The following NBEA variants were observed in gnomAD, a reference collection of about 807,000 sequenced individuals.
NBEA encodes the protein lysosomal-trafficking regulator 2.
In NBEA, 44 loss-of-function variants were observed where a neutral mutation model predicts 343.4. The ratio of observed to expected loss-of-function variants is 0.13; its 90% CI spans 0.10 to 0.16. The LOEUF is 0.16. NBEA is among the 10% of genes least tolerant of loss of function. The pLI, the probability that NBEA is intolerant of heterozygous loss-of-function variation, is 1.00. For synonymous variants in NBEA, 1,175 were observed against 1,238.7 expected, an observed-to-expected ratio of 0.95 and a Z score of 1.08; for missense variants, 2,555 against 3,631.3, an observed-to-expected ratio of 0.70 and a Z score of 7.62.
chr13:35,510,899 G>A (rs2077249861), intron 41 of NBEA, among the ~76,000 whole-genome samples: 1 of 152,092 alleles, frequency 6.6e-6, no homozygotes, highest in African/African-American at 2.4e-5. Flanking sequence ...CAGAATGCTT[G>A]CCACCACACA....
chr13:35,048,630 G>C lies in NBEA; in HGVS notation c.791G>C (p.Arg264Pro). ...QNGFTLNTWF[R>P]MDPLNNINVD... ...GGCTTCACCTTAAACACTTGGTTTC[G>C]TATGGATCCATTAAATAATATTAAT... is the stretch of plus-strand genomic sequence containing the variant. The change falls in exon 5 of 59, where the codon CGT becomes CCT. Residue 264 changes from arginine (R) to proline (P), a missense_variant. By Grantham distance (103) the Arg-to-Pro change is moderately radical. Transcript: ENST00000379939. 1 of 1,509,754 alleles carries C rather than the reference G, an allele frequency of 6.6e-7. No homozygotes were observed. The highest frequency in any genetic ancestry group is 9.2e-7 in the Non-Finnish European group (1 of 1,089,022). 93.5% of individuals were successfully genotyped at this position (1,509,754 alleles called of 1,614,324 possible).
At chr13:35,652,959 G>C (rs2084630141) in intron 53 of NBEA, among the ~76,000 whole-genome samples, 2 of 151,954 alleles carry the variant, frequency 1.3e-5, no homozygotes, top group East Asian at 3.9e-4. Flanking sequence ...CTCCCAAAGT[G>C]CTGGGATTAC....
chr13:34,951,163 T>C (rs1368429537), intron 1 of NBEA, among the ~76,000 whole-genome samples: 2 of 151,252 alleles, frequency 1.3e-5, no homozygotes, highest in Non-Finnish European at 2.9e-5. Context: ...AAAATACCTG[T>C]GGACAGGTAT....
intron 41 of NBEA, among the ~76,000 whole-genome samples, chr13:35,516,840 T>C (rs540014291): frequency 5.1e-4 from 78 of 152,326 alleles, no homozygotes; most frequent in African/African-American, 1.9e-3. Flanking sequence ...ATAGTTATAA[T>C]AGCTAAGTGA....
rs73491587 is a variant in NBEA at position 35,044,240 on chromosome 13, G to A, written c.527-707G>A. ...AGGGTTCTGAAGCTATACTGTCTGG[G>A]TTTGAATCCTGATTCTACCACTTGC... On this transcript the variant is annotated intron_variant, in intron 2 of 58. Transcript: ENST00000379939. Among the ~76,000 whole-genome samples, 341 of 152,194 alleles carry A rather than the reference G, an allele frequency of 2.2e-3. 1 individual carries two copies. The highest frequency in any genetic ancestry group is 7.8e-3 in the African/African-American group (325 of 41,540).
intron 1 of NBEA, among the ~76,000 whole-genome samples, chr13:34,953,268 G>A (rs1443078984): frequency 6.6e-6 from 1 of 152,156 alleles, no homozygotes; most frequent in African/African-American, 2.4e-5. Flanking sequence ...AAATGTCATA[G>A]AATTATTTCA....
intron 33 of NBEA, among the ~76,000 whole-genome samples, chr13:35,213,186 T>C (rs890455891): frequency 6.6e-6 from 1 of 152,012 alleles, no homozygotes; most frequent in East Asian, 1.9e-4. Flanking sequence ...GAGTAATAGG[T>C]ATACGAAGAT....
chr13:35,423,937 T>G (rs1280845600), intron 38 of NBEA, among the ~76,000 whole-genome samples: 4 of 152,212 alleles, frequency 2.6e-5, no homozygotes, highest in Non-Finnish European at 4.4e-5. Flanking sequence ...TCACTCATGA[T>G]TTGGCTCTCT....
intron 1 of NBEA, among the ~76,000 whole-genome samples, chr13:34,951,689 CTG>C (rs1036055937): frequency 9.9e-5 from 15 of 152,110 alleles, no homozygotes; most frequent in African/African-American, 3.6e-4. Context: ...GGGTGAGAAA[CTG>C]GGGATGGAAG....
At chr13:35,050,090 T>A (rs2063012048) in intron 5 of NBEA, among the ~76,000 whole-genome samples, 179 bp from the exon 6 acceptor site, 1 of 151,790 alleles carries the variant, frequency 6.6e-6, no homozygotes, top group Admixed American at 6.6e-5. Flanking sequence ...TAGTTTAAAT[T>A]TCTTATATTT....
chr13:34,970,722 C>G (rs529063411), intron 1 of NBEA, among the ~76,000 whole-genome samples: 1 of 151,996 alleles, frequency 6.6e-6, no homozygotes, highest in East Asian at 1.9e-4. Context: ...GTTCTTTTTT[C>G]TGTTGATCTG....
chr13:35,262,309 C>G (rs1004564808), intron 34 of NBEA, among the ~76,000 whole-genome samples: 1 of 152,088 alleles, frequency 6.6e-6, no homozygotes, highest in African/African-American at 2.4e-5. Context: ...ATTATATGAC[C>G]GAGTAATCCC....
At position 35,401,608 on chromosome 13, in the gene NBEA, T is replaced by A. The variant is rs2043005314; in HGVS notation, c.6180-30661T>A. On this transcript the variant is annotated intron_variant, in intron 38 of 58. Transcript: ENST00000379939. ...CCCTCTGTTGCTCTATCTTAAGACA[T>A]CTGTAAGAGAAAATCTTCTAGCTCT... Among the ~76,000 whole-genome samples the A allele has an allele frequency of 2.0e-5, 3 of 152,028 alleles. No homozygotes were observed. In the South Asian group the frequency reaches 6.2e-4, roughly 31 times the overall value.
intron 39 of NBEA, among the ~76,000 whole-genome samples, chr13:35,443,809 G>GGA (rs2045860383): frequency 6.6e-6 from 1 of 151,740 alleles, no homozygotes; most frequent in African/African-American, 2.4e-5. Flanking sequence ...TAACAGTTTT[G>GGA]CCATTGGGAT....
intron 35 of NBEA, among the ~76,000 whole-genome samples, chr13:35,308,620 GCACA>G (rs1226545122): frequency 1.3e-4 from 9 of 69,186 alleles, no homozygotes; most frequent in South Asian, 1.0e-3. Flanking sequence ...ATATATATAT[GCACA>G]CACACACACA....
At chr13:35,111,434 A>G (rs2066201764) in intron 13 of NBEA, among the ~76,000 whole-genome samples, 1 of 151,914 alleles carries the variant, frequency 6.6e-6, no homozygotes, top group South Asian at 2.1e-4. Context: ...CTAATTATAC[A>G]AAAAATATAG....
At chr13:35,475,287 C>G (rs150872535) in intron 41 of NBEA, 1 of 1,614,044 alleles carries the variant, frequency 6.2e-7, no homozygotes, top group Non-Finnish European at 8.5e-7. Context: ...CTCGGGGATG[C>G]TTTTCACACT....
intron 38 of NBEA, among the ~76,000 whole-genome samples, chr13:35,391,925 C>A (rs1461964): frequency 0.7 from 106,630 of 151,860 alleles, 39,524 homozygotes; most frequent in Non-Finnish European, 0.81. Flanking sequence ...TTAGTTTTTG[C>A]TTCTATCTCT....
chr13:35,352,369 A>C (rs755946721), intron 38 of NBEA, 46 bp downstream of exon 38: 1 of 1,059,294 alleles, frequency 9.4e-7, no homozygotes, highest in South Asian at 3.2e-5. Flanking sequence ...TAGGTTAATT[A>C]TAATAGTTGG....
Sources: allele counts gnomAD v4.1 joint callset (sites outside exome capture counted in the v4.1 genomes callset), GRCh38; gene constraint gnomAD v4.1.1; transcripts MANE v1.5; gene names NCBI Gene and HGNC (gene_info 2026-07-23, HGNC 2026-07-21).